Variants in INSIG1 observed in about 807,000 individuals in gnomAD.
INSIG1 encodes the protein insulin-induced gene 1 protein.
A neutral mutation model predicts 26.5 loss-of-function variants in INSIG1; 14 were observed. The ratio of observed to expected loss-of-function variants is 0.53; its 90% CI spans 0.35 to 0.83. The LOEUF is 0.83. Ranked by LOEUF, INSIG1 falls within the 40% of genes least tolerant of loss-of-function variation. The pLI is 0.01. For synonymous variants in INSIG1, 147 were observed against 153.3 expected (o/e 0.96, Z 0.30); for missense variants, 272 against 368.9 (o/e 0.74, Z 2.15).
chr7:155,306,788 C>T (rs1303873910), intron 5 of INSIG1, among the ~76,000 whole-genome samples: 8 of 151,788 alleles, frequency 5.3e-5, no homozygotes, highest in Non-Finnish European at 8.8e-5. Context: ...TAGCATACCA[C>T]ACTGCCCTTT....
chr7:155,306,526 G>A (rs1375201683), intron 5 of INSIG1, among the ~76,000 whole-genome samples: 2 of 152,214 alleles, frequency 1.3e-5, no homozygotes, highest in Non-Finnish European at 2.9e-5. Flanking sequence ...GTTTTTGATT[G>A]ACCCAATTCA....
rs935634979 is a variant in INSIG1, at chr7:155,302,822, G to T, written c.780G>T (p.Gly260=). ...CIFFSGGVTV[G]NIGRQLAMGV... ...TTTTCTCAGGAGGCGTCACGGTGGG[G>T]AACATAGGACGACAGTTAGCTATGG... The change falls in exon 5 of 6, where the codon GGG becomes GGT. Residue 260 remains glycine (G), a synonymous_variant. Transcript: ENST00000340368. The surrounding 1 kb of genome is among the most constrained non-coding windows in gnomAD (Gnocchi z 4.3). 6.2e-7 allele frequency: 1 copy of T among 1,609,166 alleles called. No homozygotes were observed. Among genetic ancestry groups the T allele is most frequent in the Non-Finnish European group, 8.5e-7 (1 of 1,175,610 alleles).
intron 5 of INSIG1, among the ~76,000 whole-genome samples, chr7:155,305,234 C>T (rs931245372): frequency 6.6e-6 from 1 of 151,900 alleles, no homozygotes; most frequent in Non-Finnish European, 1.5e-5. Flanking sequence ...CTCTGAGGTT[C>T]TAAGCCTAAC....
intron 2 of INSIG1, among the ~76,000 whole-genome samples, 155 bp downstream of exon 2, chr7:155,298,852 G>A (rs78105975): frequency 2.0e-5 from 3 of 152,228 alleles, no homozygotes; most frequent in African/African-American, 4.8e-5. Context: ...ATGAAGGAGG[G>A]GTAGAGAGGA....
At chr7:155,307,399 G>T (rs151309307) in intron 5 of INSIG1, among the ~76,000 whole-genome samples, 3 of 152,170 alleles carry the variant, frequency 2.0e-5, no homozygotes, top group Non-Finnish European at 4.4e-5. Flanking sequence ...ATTAAGTAAC[G>T]TGGGAAGTCA....
chr7:155,301,377 C>T (rs9768380), intron 2 of INSIG1, among the ~76,000 whole-genome samples, 189 bp from the exon 3 acceptor site: 75,579 of 151,970 alleles, frequency 0.5, 18,860 homozygotes, highest in African/African-American at 0.57. Context: ...AAAACTTTTC[C>T]AAACAGTACA....
chr7:155,300,137 C>T (rs1797745694), intron 2 of INSIG1, among the ~76,000 whole-genome samples: 1 of 152,156 alleles, frequency 6.6e-6, no homozygotes, highest in Admixed American at 6.5e-5. Flanking sequence ...GTTTCATATA[C>T]ATTTGGCAGA....
In INSIG1 at chr7:155,302,756, C is replaced by T. The variant is rs763305791; in HGVS notation, c.714C>T (p.Ser238=). 1.6e-5 allele frequency: 26 copies of T among 1,607,400 alleles called. No individual in the cohort carries two copies. In the East Asian group the frequency reaches 4.5e-4, roughly 28 times the overall value. The change falls in exon 5 of 6, where the codon TCC becomes TCT. Residue 238 remains serine (S), a synonymous_variant. Coordinates refer to ENST00000340368, the MANE Select transcript of INSIG1 (RefSeq NM_005542.6). This position sits in a 1 kb window ranked among gnomAD's most constrained non-coding sequence, Gnocchi z 4.3. ...LVYNGVYQYT[S]PDFLYIRSWL... ...TCTTTTCTCGCTCCAGGTATACATC[C>T]CCAGATTTCCTCTATATTCGTTCTT...
intron 2 of INSIG1, 30 bp from the exon 3 acceptor site, chr7:155,301,536 A>T: frequency 6.3e-7 from 1 of 1,587,350 alleles, no homozygotes; most frequent in African/African-American, 1.3e-5. Flanking sequence ...AATCTGCTGT[A>T]TTCTAACATT....
At chr7:155,303,868 T>G in intron 5 of INSIG1, 1 of 1,366,530 alleles carries the variant, frequency 7.3e-7, no homozygotes, top group Non-Finnish European at 9.8e-7. Flanking sequence ...ACCACTTGGC[T>G]GTTTCACAAA....
chr7:155,308,673 A>G lies in INSIG1; in HGVS notation c.*403A>G, dbSNP rs185940333. 297 of 186,732 alleles carry G rather than the reference A, an allele frequency of 1.6e-3. 1 individual carries two copies. Among genetic ancestry groups the G allele is most frequent in the Non-Finnish European group, 2.9e-3 (252 of 87,880 alleles). 11.6% of individuals were successfully genotyped at this position (186,732 alleles called of 1,614,324 possible). A position where few individuals can be genotyped will look rare whatever the true frequency, so the allele number is the denominator to read the frequency against. ...GGAGGTAGGTTGATGGTGCTTAACA[A>G]ACATGAAGTATGGTGTAATAGGAAT... is the stretch of plus-strand genomic sequence containing the variant. On this transcript the variant is annotated 3_prime_UTR_variant, in exon 6 of 6. Coordinates refer to ENST00000340368, the MANE Select transcript of INSIG1 (RefSeq NM_005542.6).
rs953352859 is a variant in INSIG1, at chr7:155,302,613, CCAAA to C, written c.705-129_705-126del. The C allele has an allele frequency of 7.8e-6, 7 of 893,670 alleles. No homozygotes were observed. The highest frequency in any genetic ancestry group is 7.4e-5 in the East Asian group (3 of 40,412). The allele number at this position is 893,670 out of a possible 1,614,324, so 55.4% of individuals were successfully genotyped here. The stretch of plus-strand genomic sequence containing the variant: ...GAAAACCAAGTAGTAGCAGTTACAA[CCAAA>C]CAAATATGAACATTCGTAACATTGG... On this transcript the variant is annotated intron_variant, in intron 4 of 5. Transcript: ENST00000340368. The surrounding 1 kb of genome is among the most constrained non-coding windows in gnomAD (Gnocchi z 4.3).
intron 5 of INSIG1, among the ~76,000 whole-genome samples, chr7:155,303,565 CT>C (rs1167493093): frequency 6.6e-6 from 1 of 152,350 alleles, no homozygotes; most frequent in Non-Finnish European, 1.5e-5. Context: ...CACAGCCCCC[CT>C]GAGGGAGACG....
chr7:155,298,139 C>A (rs570234289), intron 1 of INSIG1, 120 bp from the exon 2 acceptor site: 1 of 793,550 alleles, frequency 1.3e-6, no homozygotes, highest in Non-Finnish European at 1.8e-6. Context: ...GGCGGGCGCA[C>A]GGGGGTCTAA....
intron 5 of INSIG1, among the ~76,000 whole-genome samples, chr7:155,306,935 C>T (rs766640814): frequency 4.6e-5 from 7 of 152,216 alleles, no homozygotes; most frequent in African/African-American, 7.2e-5. Flanking sequence ...CAGGTCCGCC[C>T]GGGCTGGCTG....
intron 1 of INSIG1, 70 bp downstream of exon 1, chr7:155,298,029 T>G: frequency 2.8e-6 from 1 of 352,806 alleles, no homozygotes; most frequent in Non-Finnish European, 5.1e-6. Flanking sequence ...TCCCCGGAGG[T>G]AGGCGGGCGC....
chr7:155,300,928 G>A (rs1797766593), intron 2 of INSIG1, among the ~76,000 whole-genome samples: 1 of 152,194 alleles, frequency 6.6e-6, no homozygotes, highest in Non-Finnish European at 1.5e-5. Context: ...AAGCCTGTGT[G>A]GGGCTGTCTC....
At position 155,308,738 on chromosome 7, in the gene INSIG1, TA is replaced by T. The variant is rs11323287; in HGVS notation, c.*479del. On this transcript the variant is annotated 3_prime_UTR_variant, in exon 6 of 6. Transcript: ENST00000340368. Reference sequence around the variant, plus strand: ...AGATTTTTAAAAATAGGGCTGTGTTTAAAAAAAAAAACAAAACAAGAAAAGC... The same window carrying T: ...AGATTTTTAAAAATAGGGCTGTGTTTAAAAAAAAAACAAAACAAGAAAAGC... 1,501 of 150,034 alleles carry T rather than the reference TA, an allele frequency of 0.01. 20 individuals carry two copies. Among genetic ancestry groups the T allele is most frequent in the African/African-American group, 0.033 (1,315 of 40,034 alleles). 9.3% of individuals were successfully genotyped at this position (150,034 alleles called of 1,614,324 possible).
At chr7:155,301,466 A>G (rs1797782986) in intron 2 of INSIG1, 100 bp from the exon 3 acceptor site, 1 of 1,083,698 alleles carries the variant, frequency 9.2e-7, no homozygotes, top group Non-Finnish European at 1.3e-6. Context: ...TTTCTAGGAA[A>G]AGGACTGGTT....
Sources: allele counts gnomAD v4.1 joint callset (sites outside exome capture counted in the v4.1 genomes callset), GRCh38; gene constraint gnomAD v4.1.1; non-coding constraint Gnocchi (gnomAD v3.1); transcripts MANE v1.5; gene names NCBI Gene and HGNC (gene_info 2026-07-23, HGNC 2026-07-21).